SUSD5: variants seen among roughly 807,000 people sequenced by gnomAD.
SUSD5 encodes the protein sushi domain-containing protein 5.
In SUSD5, 33 loss-of-function variants were observed where a neutral mutation model predicts 29.5. That is an observed-to-expected ratio of 1.12 (90% CI 0.85 to 1.49). The LOEUF is 1.49. Ranked by LOEUF, SUSD5 falls within the 40% of genes most tolerant of loss-of-function variation. SUSD5 has a pLI of 0.00. For synonymous variants in SUSD5, 308 were observed against 325.3 expected, an observed-to-expected ratio of 0.95 and a Z score of 0.57; for missense variants, 776 against 800.6, an observed-to-expected ratio of 0.97 and a Z score of 0.37.
Position 33,152,623 on chromosome 3 carries a change from G to C in SUSD5, c.*119C>G, listed in dbSNP as rs887182287. ...ACACTTCTCAGCCTATAAAACAAAG[G>C]GCTGAGGAAAAAATGATGAGCCTCA... On this transcript the variant is annotated 3_prime_UTR_variant, in exon 5 of 5. Coordinates refer to ENST00000309558, the MANE Select transcript of SUSD5 (RefSeq NM_015551.2). The C allele has an allele frequency of 2.6e-6, 3 of 1,162,192 alleles. No homozygotes were observed. The highest frequency in any genetic ancestry group is 3.6e-6 in the Non-Finnish European group (3 of 836,426). 72.0% of individuals were successfully genotyped at this position (1,162,192 alleles called of 1,614,324 possible). A position where few individuals can be genotyped will look rare whatever the true frequency, so the allele number is the denominator to read the frequency against.
At chr3:33,210,092 T>C (rs2032294973) in intron 2 of SUSD5, among the ~76,000 whole-genome samples, 1 of 152,230 alleles carries the variant, frequency 6.6e-6, no homozygotes, top group Admixed American at 6.5e-5. Flanking sequence ...TATTTTATAT[T>C]GTGTGACAAA....
intron 3 of SUSD5, among the ~76,000 whole-genome samples, chr3:33,177,471 C>T (rs1426763950): frequency 6.6e-6 from 1 of 152,008 alleles, no homozygotes; most frequent in Non-Finnish European, 1.5e-5. Flanking sequence ...TTTCATTTTT[C>T]CTTGGGGTGC....
rs2032172643 is a variant in SUSD5, at chr3:33,204,299, A to T, written c.409+3509T>A. On this transcript the variant is annotated intron_variant, in intron 3 of 4. Coordinates refer to ENST00000309558, the MANE Select transcript of SUSD5 (RefSeq NM_015551.2). The surrounding 1 kb of genome is among the most constrained non-coding windows in gnomAD (Gnocchi z 4.5). ...ACTACAGGCATAAGCCACCATGCCC[A>T]GCCTGAGCTTTTTTGTTTGTTTGTT... Among the ~76,000 whole-genome samples, 1 of 151,832 alleles carries T rather than the reference A, an allele frequency of 6.6e-6. No homozygotes were observed. The highest frequency in any genetic ancestry group is 2.1e-4 in the South Asian group (1 of 4,824).
chr3:33,200,770 T>C (rs1464554900), intron 3 of SUSD5, among the ~76,000 whole-genome samples: 1 of 152,178 alleles, frequency 6.6e-6, no homozygotes, highest in African/African-American at 2.4e-5. Context: ...TTGGTGAACA[T>C]CAGCAGAAAA....
intron 3 of SUSD5, 127 bp downstream of exon 3, chr3:33,207,681 G>A: frequency 1.7e-6 from 1 of 595,428 alleles, no homozygotes; most frequent in Non-Finnish European, 2.9e-6. Flanking sequence ...CTTTTCTTTG[G>A]AAGACTTCCT....
At position 33,154,015 on chromosome 3, in the gene SUSD5, A is replaced by G; in HGVS notation, c.617T>C (p.Ile206Thr). The change falls in exon 5 of 5, where the codon ATT becomes ACT. Residue 206 changes from isoleucine to threonine, a missense_variant. Ile to Thr is a moderately conservative substitution (Grantham distance 89). Coordinates refer to ENST00000309558, the MANE Select transcript of SUSD5 (RefSeq NM_015551.2). ...ATCAGGGAAGTTATCTTCATAGTCAATGTGTGCCTCAGCCTCATCTGGAAG... is the reference window on the plus strand; with the variant it reads ...ATCAGGGAAGTTATCTTCATAGTCAGTGTGTGCCTCAGCCTCATCTGGAAG... ...ACGKDEAEAH[I>T]DYEDNFPDDR... The G allele has an allele frequency of 1.3e-6, 2 of 1,597,582 alleles. No homozygotes were observed. The highest frequency in any genetic ancestry group is 1.7e-6 in the Non-Finnish European group (2 of 1,173,926).
chr3:33,165,793 T>C (rs1421090776), intron 4 of SUSD5, among the ~76,000 whole-genome samples: 1 of 152,302 alleles, frequency 6.6e-6, no homozygotes, highest in East Asian at 1.9e-4. Flanking sequence ...GTCATTCAAT[T>C]TTATATCAAC....
chr3:33,207,873 T>C lies in SUSD5; in HGVS notation c.344A>G (p.Asp115Gly). 1 of 1,613,974 alleles carries C rather than the reference T, an allele frequency of 6.2e-7. No homozygotes were observed. The highest frequency in any genetic ancestry group is 8.5e-7 in the Non-Finnish European group (1 of 1,179,870). Residue 115 changes from aspartate to glycine, a missense_variant, in exon 3 of 5, where the codon GAT (aspartate) becomes GGT (glycine). Physicochemically the swap from Asp to Gly is moderately conservative, Grantham distance 94. Coordinates refer to ENST00000309558, the MANE Select transcript of SUSD5 (RefSeq NM_015551.2). ...SGEQQIMRAV[D>G]VRIESNPVPG... ...AACTGGGTTGCTCTCAATTCTCACA[T>C]CGACAGCTCTCATGATTTGCTGTTC...
In SUSD5 at chr3:33,152,708, C is replaced by T. The variant is rs377616430; in HGVS notation, c.*34G>A. 3.2e-6 allele frequency: 5 copies of T among 1,556,978 alleles called. No homozygotes were observed. The African/African-American group carries it at 6.8e-5, about 21-fold the overall frequency. ...TGATGTGTCACAGTTATTTTCCTCC[C>T]AAGTGGCTTTGGGAGAACCCACTCC... On this transcript the variant is annotated 3_prime_UTR_variant, in exon 5 of 5. Coordinates refer to ENST00000309558, the MANE Select transcript of SUSD5 (RefSeq NM_015551.2).
At chr3:33,158,427 C>G (rs1050489680) in intron 4 of SUSD5, among the ~76,000 whole-genome samples, 1 of 152,102 alleles carries the variant, frequency 6.6e-6, no homozygotes, top group Non-Finnish European at 1.5e-5. Context: ...CTCTTCTCAT[C>G]CCAGCCTCTC....
At chr3:33,164,969 A>AACACACAC (rs34551240) in intron 4 of SUSD5, among the ~76,000 whole-genome samples, 5,551 of 147,096 alleles carry the variant, frequency 0.038, 141 homozygotes, top group East Asian at 0.11. Flanking sequence ...ACTAAAGTTG[A>AACACACAC]ACACACACAC....
In SUSD5 at chr3:33,175,046, G is replaced by C. The variant is rs760436763; in HGVS notation, c.438C>G (p.Phe146Leu). The stretch of plus-strand genomic sequence containing the variant: ...TGCGGCCCTGCAGGATGGTGTGTGG[G>C]AACGAAGGCGGGTCTCCACACGGCT... ...EEKPCGDPPS[F>L]PHTILQGRTG... Residue 146 changes from phenylalanine to leucine, a missense_variant, in exon 4 of 5, where the codon TTC (phenylalanine) becomes TTG (leucine). Phe to Leu is a conservative substitution (Grantham distance 22, BLOSUM62 0). Coordinates refer to ENST00000309558, the MANE Select transcript of SUSD5 (RefSeq NM_015551.2). The C allele has an allele frequency of 1.2e-6, 2 of 1,613,884 alleles. No individual in the cohort carries two copies. Among genetic ancestry groups the C allele is most frequent in the Non-Finnish European group, 1.7e-6 (2 of 1,179,892 alleles).
chr3:33,210,705 A>G (rs573812781), intron 2 of SUSD5, among the ~76,000 whole-genome samples: 1 of 152,348 alleles, frequency 6.6e-6, no homozygotes, highest in African/African-American at 2.4e-5. Flanking sequence ...AGTGAAATGT[A>G]CATACTAATG....
chr3:33,153,060 G>A lies in SUSD5; in HGVS notation c.1572C>T (p.Thr524=). The A allele has an allele frequency of 6.2e-7, 1 of 1,613,814 alleles. No individual in the cohort carries two copies. ...AGCTATCCTGGATCTCAGGAACAGT[G>A]GTTTCTACTGGAGGCTGGGTGGTTG... is the stretch of plus-strand genomic sequence containing the variant. The part of the protein sequence containing the change: ...IMATTQPPVE[T]TVPEIQDSFP... Residue 524 remains threonine (T), a synonymous_variant, in exon 5 of 5, where the codon ACC becomes ACT. Transcript: ENST00000309558.
chr3:33,175,025 GC>G lies in SUSD5; in HGVS notation c.458del (p.Gly153AlafsTer108). The G allele has an allele frequency of 1.9e-6, 3 of 1,614,052 alleles. No individual in the cohort carries two copies. Among genetic ancestry groups the G allele is most frequent in the Non-Finnish European group, 1.7e-6 (2 of 1,179,902 alleles). On this transcript the variant is annotated frameshift_variant, in exon 4 of 5. Coordinates refer to ENST00000309558, the MANE Select transcript of SUSD5 (RefSeq NM_015551.2). LOFTEE classifies it high-confidence loss of function. ...PPSFPHTILQ[G>X]RTGLEMGDEL... ...CATCCCCCATTTCCAAGCCGGTGCG[GC>G]CCTGCAGGATGGTGTGTGGGAACGA...
At chr3:33,182,635 T>A (rs2031695707) in intron 3 of SUSD5, among the ~76,000 whole-genome samples, 1 of 152,248 alleles carries the variant, frequency 6.6e-6, no homozygotes. Flanking sequence ...GATGGTTATG[T>A]CTTCTTAGAA....
intron 3 of SUSD5, among the ~76,000 whole-genome samples, chr3:33,202,478 T>G (rs892563970): frequency 6.6e-6 from 1 of 151,956 alleles, no homozygotes. Flanking sequence ...AATCATAAAG[T>G]ATGCAAGGGA....
In SUSD5 at chr3:33,152,690, TCA is replaced by T. The variant is rs2125611745; in HGVS notation, c.*50_*51del. The T allele has an allele frequency of 6.6e-7, 1 of 1,522,724 alleles. No individual in the cohort carries two copies. The highest frequency in any genetic ancestry group is 2.0e-5 in the Admixed American group (1 of 49,486). The allele number at this position is 1,522,724 out of a possible 1,614,324, so 94.3% of individuals were successfully genotyped here. A position where few individuals can be genotyped will look rare whatever the true frequency, so the allele number is the denominator to read the frequency against. ...CTCTAGTGAATTATCGTGTGATGTG[TCA>T]CAGTTATTTTCCTCCCAAGTGGCTT... On this transcript the variant is annotated 3_prime_UTR_variant, in exon 5 of 5. Transcript: ENST00000309558.
chr3:33,153,943 T>C lies in SUSD5; in HGVS notation c.689A>G (p.Glu230Gly). ...FRELMEDSRT[E>G]ADEDRGQGDS... ...TCCCTGACCCCTGTCCTCATCTGCC[T>C]CTGTCCGGGAATCCTCCATGAGCTC... The change falls in exon 5 of 5, where the codon GAG becomes GGG. Residue 230 changes from glutamate (E) to glycine (G), a missense_variant. Transcript: ENST00000309558. The C allele has an allele frequency of 6.2e-7, 1 of 1,614,020 alleles. No individual in the cohort carries two copies. Among genetic ancestry groups the C allele is most frequent in the Non-Finnish European group, 8.5e-7 (1 of 1,179,894 alleles).
Sources: allele counts gnomAD v4.1 joint callset (sites outside exome capture counted in the v4.1 genomes callset), GRCh38; gene constraint gnomAD v4.1.1; non-coding constraint Gnocchi (gnomAD v3.1); transcripts MANE v1.5; gene names NCBI Gene and HGNC (gene_info 2026-07-23, HGNC 2026-07-21).